The following ADGRV1 variants were observed in gnomAD, a reference collection of about 807,000 sequenced individuals.
ADGRV1 encodes adhesion G protein-coupled receptor V1, also known as G-protein coupled receptor 98.
A neutral mutation model predicts 596.2 loss-of-function variants in ADGRV1; 359 were observed. The ratio of observed to expected loss-of-function variants is 0.60; its 90% CI spans 0.55 to 0.66. The LOEUF (loss-of-function observed/expected upper bound fraction) is 0.66. ADGRV1 is among the 30% of genes least tolerant of loss of function. The probability of loss-of-function intolerance (pLI) is 0.00; values close to 1 mark genes in which losing one functional copy is unlikely to be tolerated. For missense variants in ADGRV1, 7,274 were observed against 7,575.6 expected (o/e 0.96, Z 1.48); for synonymous variants, 2,681 against 2,679.2 (o/e 1.00, Z -0.02).
intron 83 of ADGRV1, among the ~76,000 whole-genome samples, chr5:90,866,315 A>ATG (rs149341618): frequency 0.025 from 3,457 of 138,280 alleles, 115 homozygotes; most frequent in East Asian, 0.14. Context: ...GTATGTGTAT[A>ATG]TGTGTGTGTG....
At chr5:90,879,200 G>T (rs891606632) in intron 83 of ADGRV1, among the ~76,000 whole-genome samples, 1 of 152,162 alleles carries the variant, frequency 6.6e-6, no homozygotes, top group African/African-American at 2.4e-5. Context: ...CCCAGCCAAG[G>T]TTCCCACCTA....
intron 1 of ADGRV1, among the ~76,000 whole-genome samples, chr5:90,598,558 G>A (rs560444011): frequency 6.6e-6 from 1 of 152,322 alleles, no homozygotes; most frequent in African/African-American, 2.4e-5. Flanking sequence ...GACACAGCCT[G>A]AAGTAGCAGG....
At chr5:91,089,396 C>T (rs1313379360) in intron 86 of ADGRV1, among the ~76,000 whole-genome samples, 1 of 151,564 alleles carries the variant, frequency 6.6e-6, no homozygotes, top group African/African-American at 2.4e-5. Flanking sequence ...TCAAGTAGAC[C>T]TTTTAGAACA....
At chr5:90,839,757 T>C (rs1338982402) in intron 77 of ADGRV1, among the ~76,000 whole-genome samples, 1 of 152,180 alleles carries the variant, frequency 6.6e-6, no homozygotes, top group Non-Finnish European at 1.5e-5. Flanking sequence ...CACCGTGCAT[T>C]CCCTTACCTA....
chr5:90,820,068 AC>A (rs1368712736), intron 75 of ADGRV1, among the ~76,000 whole-genome samples: 1 of 151,440 alleles, frequency 6.6e-6, no homozygotes, highest in Non-Finnish European at 1.5e-5. Context: ...TTTGTAGGTC[AC>A]TCAGGACTTG....
intron 83 of ADGRV1, among the ~76,000 whole-genome samples, chr5:90,951,632 G>A (rs191437794): frequency 4.0e-5 from 6 of 151,754 alleles, no homozygotes; most frequent in Non-Finnish European, 5.9e-5. Context: ...CTTTTAATGG[G>A]GCTACCAATA....
chr5:90,626,650 C>T (rs1764801019), intron 6 of ADGRV1: 1 of 151,950 alleles, frequency 6.6e-6, no homozygotes, highest in South Asian at 2.1e-4. Context: ...TTAACAGTGT[C>T]AGCATTTTTC....
chr5:90,659,807 C>T (rs1769980131), intron 21 of ADGRV1, among the ~76,000 whole-genome samples: 1 of 152,082 alleles, frequency 6.6e-6, no homozygotes, highest in Admixed American at 6.5e-5. Flanking sequence ...CTGAGGCGGG[C>T]GGATCATGAG....
intron 86 of ADGRV1, 73 bp from the exon 87 acceptor site, chr5:91,102,146 C>G (rs180799360): frequency 9.6e-5 from 138 of 1,431,720 alleles, no homozygotes; most frequent in Middle Eastern, 7.2e-4. Flanking sequence ...CAGAAAGAAG[C>G]CAAAAATAAC....
At chr5:91,155,327 C>A (rs1387172560) in intron 89 of ADGRV1, among the ~76,000 whole-genome samples, 1 of 152,086 alleles carries the variant, frequency 6.6e-6, no homozygotes, top group East Asian at 1.9e-4. Flanking sequence ...TTAGCAGGAG[C>A]CCAGAGGCTT....
At chr5:90,900,022 C>T (rs1771691811) in intron 83 of ADGRV1, among the ~76,000 whole-genome samples, 3 of 152,164 alleles carry the variant, frequency 2.0e-5, no homozygotes, top group Non-Finnish European at 2.9e-5. Context: ...TTCTCTGACT[C>T]ATTTAGTCAT....
At chr5:91,121,548 G>A (rs1298058094) in intron 87 of ADGRV1, among the ~76,000 whole-genome samples, 7 of 152,118 alleles carry the variant, frequency 4.6e-5, no homozygotes, top group Admixed American at 6.5e-5. Flanking sequence ...TGTGAGAGTC[G>A]GGCCAGAAGT....
At chr5:91,116,174 A>G (rs1792836262) in intron 87 of ADGRV1, among the ~76,000 whole-genome samples, 1 of 152,190 alleles carries the variant, frequency 6.6e-6, no homozygotes, top group South Asian at 2.1e-4. Context: ...GGGAAGTTTT[A>G]TTTTCAGTCC....
intron 38 of ADGRV1, among the ~76,000 whole-genome samples, chr5:90,708,345 G>C (rs1439446172): frequency 2.0e-5 from 3 of 151,498 alleles, no homozygotes; most frequent in African/African-American, 7.3e-5. Flanking sequence ...TTATTGCCCC[G>C]TTATAGAGAT....
chr5:91,154,452 T>C (rs2126921474), intron 89 of ADGRV1, among the ~76,000 whole-genome samples: 1 of 152,374 alleles, frequency 6.6e-6, no homozygotes, highest in Middle Eastern at 3.4e-3. Context: ...CATATTTTCA[T>C]GTATCATATT....
At chr5:90,998,326 AT>A (rs1007130250) in intron 85 of ADGRV1, among the ~76,000 whole-genome samples, 1 of 151,226 alleles carries the variant, frequency 6.6e-6, no homozygotes, top group Non-Finnish European at 1.5e-5. Flanking sequence ...AGTAAGCATT[AT>A]TTTTTTTTAC....
intron 85 of ADGRV1, among the ~76,000 whole-genome samples, chr5:91,002,346 T>C (rs561373511): frequency 3.3e-5 from 5 of 152,334 alleles, no homozygotes; most frequent in Non-Finnish European, 7.3e-5. Context: ...TTTGCAGCTC[T>C]TTGACTTTAT....
intron 50 of ADGRV1, among the ~76,000 whole-genome samples, chr5:90,732,812 A>G (rs995909739): frequency 6.6e-6 from 1 of 152,270 alleles, no homozygotes; most frequent in African/African-American, 2.4e-5. Context: ...AAGAATGAGA[A>G]TGAAGTAGAA....
chr5:90,586,320 T>A (rs1758754473), intron 1 of ADGRV1, among the ~76,000 whole-genome samples: 1 of 152,190 alleles, frequency 6.6e-6, no homozygotes, highest in Non-Finnish European at 1.5e-5. Flanking sequence ...TAACAATAAT[T>A]CCATAGTATT....
Sources: allele counts gnomAD v4.1 joint callset (sites outside exome capture counted in the v4.1 genomes callset), GRCh38; gene constraint gnomAD v4.1.1; transcripts MANE v1.5; gene names NCBI Gene and HGNC (gene_info 2026-07-23, HGNC 2026-07-21).